The following TCN1 variants were observed in gnomAD, a reference collection of about 807,000 sequenced individuals.
The protein encoded by TCN1 is transcobalamin-1.
A neutral mutation model predicts 46.3 loss-of-function variants in TCN1; 47 were observed. The observed-to-expected ratio is 1.01, with a 90% CI of 0.80 to 1.29. The LOEUF (loss-of-function observed/expected upper bound fraction) is 1.29. Among genes scored for constraint, TCN1 ranks in the 50% most tolerant of loss-of-function variants. The probability of loss-of-function intolerance (pLI) is 0.00; values close to 1 mark genes in which losing one functional copy is unlikely to be tolerated. For synonymous variants in TCN1, 183 were observed against 192.5 expected (o/e 0.95, Z 0.41); for missense variants, 532 against 511.0 (o/e 1.04, Z -0.40).
rs1389054276 is a variant in TCN1, at chr11:59,859,084, G to T, written c.740C>A (p.Ala247Asp). The change falls in exon 5 of 9, where the codon GCC becomes GAC. Residue 247 changes from alanine (A) to aspartate (D), a missense_variant. Ala to Asp is a moderately radical substitution (Grantham distance 126). Coordinates refer to ENST00000257264, the MANE Select transcript of TCN1 (RefSeq NM_001062.4). ...TTTCACCCTCTGACTTACCTGCATG[G>T]CTTCTCCTGTGCTAAATGTGTTTCC... is the stretch of plus-strand genomic sequence containing the variant. ...LIGNTFSTGE[A>D]MQALFVSSDY... 1 of 1,612,598 alleles carries T rather than the reference G, an allele frequency of 6.2e-7. No individual in the cohort carries two copies. Among genetic ancestry groups the T allele is most frequent in the Non-Finnish European group, 8.5e-7 (1 of 1,179,954 alleles).
chr11:59,855,469 G>C (rs1203700725), intron 6 of TCN1, among the ~76,000 whole-genome samples: 1 of 152,084 alleles, frequency 6.6e-6, no homozygotes, highest in Non-Finnish European at 1.5e-5. Flanking sequence ...TTGAATACTG[G>C]CATATCACTT....
Position 59,859,236 on chromosome 11 carries a change from G to T in TCN1, c.588C>A (p.Thr196=). The change falls in exon 5 of 9, where the codon ACC becomes ACA. Residue 196 remains threonine, a synonymous_variant. Coordinates refer to ENST00000257264, the MANE Select transcript of TCN1 (RefSeq NM_001062.4). ...CATTTATTAGACTCTTCTTCACACA[G>T]GTCAGAGCCAGGACAGCCATTGCAC... is the stretch of plus-strand genomic sequence containing the variant. ...DTGAMAVLAL[T]CVKKSLINGQ... is the part of the protein sequence containing the mutation. The T allele has an allele frequency of 6.2e-7, 1 of 1,613,866 alleles. No homozygotes were observed. Among genetic ancestry groups the T allele is most frequent in the Non-Finnish European group, 8.5e-7 (1 of 1,180,020 alleles).
intron 5 of TCN1, 27 bp from the exon 6 acceptor site, chr11:59,856,085 G>GGGGGGGGGGGGGGGCC: frequency 1.7e-6 from 1 of 585,322 alleles, no homozygotes; most frequent in East Asian, 4.9e-5. Flanking sequence ...GGGTGGGGGG[G>GGGGGGGGGGGGGGGCC]TGATGAGAGA....
In TCN1 at chr11:59,859,364, G is replaced by GA. The variant is rs377249056; in HGVS notation, c.557-98dup. 694 of 1,324,390 alleles carry GA rather than the reference G, an allele frequency of 5.2e-4. 5 individuals are homozygous for GA. In the African/African-American group the frequency reaches 7.3e-3, roughly 14 times the overall value. 82.0% of individuals were successfully genotyped at this position (1,324,390 alleles called of 1,614,324 possible). A position where few individuals can be genotyped will look rare whatever the true frequency, so the allele number is the denominator to read the frequency against. The stretch of plus-strand genomic sequence containing the variant: ...GGATGTGAGACTTTCAGTGCTAAAA[G>GA]AAAAACAGATCTAGAAAAACTGGGA... On this transcript the variant is annotated intron_variant, in intron 4 of 8. Coordinates refer to ENST00000257264, the MANE Select transcript of TCN1 (RefSeq NM_001062.4).
In TCN1 at chr11:59,854,647, C is replaced by A. The variant is rs1316929193; in HGVS notation, c.1121+5G>T. Reference sequence around the variant, plus strand: ...ATCTTAACCTTAGGTTAGGTACAGACCTACCCAAATATAGTATCATTCATT... The same window carrying A: ...ATCTTAACCTTAGGTTAGGTACAGAACTACCCAAATATAGTATCATTCATT... On this transcript the variant is annotated splice_donor_5th_base_variant and intron_variant, in intron 7 of 8. Coordinates refer to ENST00000257264, the MANE Select transcript of TCN1 (RefSeq NM_001062.4). 1.2e-6 allele frequency: 2 copies of A among 1,613,434 alleles called. No individual in the cohort carries two copies. Among genetic ancestry groups the A allele is most frequent in the Non-Finnish European group, 1.7e-6 (2 of 1,179,668 alleles).
Position 59,853,971 on chromosome 11 carries a change from T to C in TCN1, c.1122-650A>G, listed in dbSNP as rs144709873. 2.5e-4 allele frequency among the ~76,000 whole-genome samples: 36 copies of C among 146,690 alleles called. No individual in the cohort carries two copies. In the East Asian group the frequency reaches 7.0e-3, roughly 28 times the overall value. The stretch of plus-strand genomic sequence containing the variant: ...GTTAAGGAGCCAAATAAGTCATACT[T>C]TTCAGAGGCAAAGCCATTATTTTAA... On this transcript the variant is annotated intron_variant, in intron 7 of 8. Coordinates refer to ENST00000257264, the MANE Select transcript of TCN1 (RefSeq NM_001062.4).
At chr11:59,865,353 A>G (rs1380596901) in intron 1 of TCN1, among the ~76,000 whole-genome samples, 4 of 152,310 alleles carry the variant, frequency 2.6e-5, no homozygotes, top group African/African-American at 9.6e-5. Flanking sequence ...TTGAGTCTCA[A>G]AGATAAATTT....
rs772801385 is a variant in TCN1, at chr11:59,859,093, G to A, written c.731C>T (p.Thr244Ile). ...ENGLIGNTFS[T>I]GEAMQALFVS... ...CTGACTTACCTGCATGGCTTCTCCT[G>A]TGCTAAATGTGTTTCCAATGAGACC... Residue 244 changes from threonine to isoleucine, a missense_variant, in exon 5 of 9, where the codon ACA (threonine) becomes ATA (isoleucine). Physicochemically the swap from Thr to Ile is moderately conservative, Grantham distance 89. Transcript: ENST00000257264. The A allele has an allele frequency of 1.2e-6, 2 of 1,613,310 alleles. No individual in the cohort carries two copies. Among genetic ancestry groups the A allele is most frequent in the Admixed American group, 1.7e-5 (1 of 59,996 alleles).
chr11:59,862,642 AT>A lies in TCN1; in HGVS notation c.339del (p.Tyr114MetfsTer5). On this transcript the variant is annotated frameshift_variant, in exon 3 of 9. Transcript: ENST00000257264. LOFTEE classifies it high-confidence loss of function. ...AGCTTGTCGATCAGGTGGTAATCAT[AT>A]ATTAAGTTTTCCTCAGCGTTACGAC... ...GVCRNAEENL[I>X]YDYHLIDKLE... is the part of the protein sequence containing the mutation. The A allele has an allele frequency of 6.2e-7, 1 of 1,613,772 alleles. No homozygotes were observed. The highest frequency in any genetic ancestry group is 8.5e-7 in the Non-Finnish European group (1 of 1,179,836).
At chr11:59,857,495 C>T (rs536986896) in intron 5 of TCN1, among the ~76,000 whole-genome samples, 1 of 152,262 alleles carries the variant, frequency 6.6e-6, no homozygotes, top group East Asian at 1.9e-4. Flanking sequence ...GTTATGTTTC[C>T]CAAGGACTCT....
chr11:59,860,466 T>A (rs1446408119), intron 4 of TCN1, among the ~76,000 whole-genome samples: 1 of 152,134 alleles, frequency 6.6e-6, no homozygotes, highest in Non-Finnish European at 1.5e-5. Flanking sequence ...GTTTCTTTTT[T>A]TACACATATT....
At chr11:59,864,627 G>A (rs1853053152) in intron 1 of TCN1, among the ~76,000 whole-genome samples, 2 of 152,074 alleles carry the variant, frequency 1.3e-5, no homozygotes, top group East Asian at 1.9e-4. Flanking sequence ...GCTGGGCATC[G>A]AGATCATTAT....
At chr11:59,865,900 A>G (rs1384289809) in intron 1 of TCN1, among the ~76,000 whole-genome samples, 1 of 152,128 alleles carries the variant, frequency 6.6e-6, no homozygotes, top group Non-Finnish European at 1.5e-5. Context: ...TGGACATGCA[A>G]CTTGGAACAT....
intron 7 of TCN1, 76 bp from the exon 8 acceptor site, chr11:59,853,397 T>C: frequency 8.1e-7 from 1 of 1,242,160 alleles, no homozygotes; most frequent in Admixed American, 1.7e-5. Flanking sequence ...TCTCAAACTT[T>C]AATGTACCTG....
At chr11:59,854,968 A>C (rs776828145) in intron 6 of TCN1, 133 bp from the exon 7 acceptor site, 1 of 981,558 alleles carries the variant, frequency 1.0e-6, no homozygotes. Context: ...AGGAGCAATT[A>C]TCATCACTCA....
At chr11:59,861,376 T>G in intron 4 of TCN1, 151 bp downstream of exon 4, 1 of 840,842 alleles carries the variant, frequency 1.2e-6, no homozygotes, top group East Asian at 2.6e-5. Flanking sequence ...CCATCATCCA[T>G]TCTTCTCAAA....
chr11:59,858,814 G>GA (rs1181022754), intron 5 of TCN1, among the ~76,000 whole-genome samples: 2 of 152,006 alleles, frequency 1.3e-5, no homozygotes, highest in African/African-American at 4.8e-5. Context: ...ACTAAAAATA[G>GA]AAAAAATTAG....
rs191899113 is a variant in TCN1, at chr11:59,864,311, C to T, written c.80-225G>A. Among the ~76,000 whole-genome samples, 22 of 152,248 alleles carry T rather than the reference C, an allele frequency of 1.4e-4. No individual in the cohort carries two copies. The East Asian group carries it at 3.3e-3, about 23-fold the overall frequency. On this transcript the variant is annotated intron_variant, in intron 1 of 8. Coordinates refer to ENST00000257264, the MANE Select transcript of TCN1 (RefSeq NM_001062.4). ...ACATGAAAATGTTTTAATATTTTAA[C>T]AACTGGTGCAGACTTATCATTGTGT...
In TCN1 at chr11:59,854,786, G is replaced by A. The variant is rs1357897721; in HGVS notation, c.987C>T (p.Asp329=). The part of the protein sequence containing the change: ...ADEPITVTPP[D]SQSYISVNYS... ...AATTGACGGAGATATATGATTGTGA[G>A]TCAGGAGGTGTCACAGTTATAGGCT... The change falls in exon 7 of 9, where the codon GAC becomes GAT. Residue 329 remains aspartate (D), a synonymous_variant. Transcript: ENST00000257264. The A allele has an allele frequency of 1.9e-6, 3 of 1,613,946 alleles. No individual in the cohort carries two copies. Among genetic ancestry groups the A allele is most frequent in the Admixed American group, 1.7e-5 (1 of 60,006 alleles).
Sources: gnomAD v4.1 joint callset for allele counts (sites outside exome capture counted in the v4.1 genomes callset) on GRCh38, gnomAD v4.1.1 for gene constraint, MANE v1.5 for transcripts, NCBI Gene and HGNC (gene_info 2026-07-23, HGNC 2026-07-21) for gene names.